RIT2: variants seen among roughly 807,000 people sequenced by gnomAD.
RIT2 encodes the protein GTP-binding protein Rit2.
Under a neutral mutation model 23.7 loss-of-function variants are expected in RIT2, and 24 were observed. The ratio of observed to expected loss-of-function variants is 1.01; its 90% CI spans 0.73 to 1.43. The LOEUF (loss-of-function observed/expected upper bound fraction) is 1.43, where lower values mean the gene tolerates loss of function less well. Among genes scored for constraint, RIT2 ranks in the 40% most tolerant of loss-of-function variants. The probability of loss-of-function intolerance (pLI) is 0.00; values close to 1 mark genes in which losing one functional copy is unlikely to be tolerated. For synonymous variants in RIT2, 107 were observed against 91.1 expected, an observed-to-expected ratio of 1.17 and a Z score of -0.99; for missense variants, 236 against 266.9, an observed-to-expected ratio of 0.88 and a Z score of 0.81.
chr18:42,800,759 C>A lies in RIT2; in HGVS notation c.427-57039G>T, dbSNP rs1905516144. Among the ~76,000 whole-genome samples, 3 of 152,168 alleles carry A rather than the reference C, an allele frequency of 2.0e-5. No individual in the cohort carries two copies. The South Asian group carries it at 6.2e-4, about 32-fold the overall frequency. On this transcript the variant is annotated intron_variant, in intron 4 of 4. Transcript: ENST00000326695. ...TGTTAGCCAGGATGGTCTCGATCTC[C>A]TGACCTCGTGATCCGCCCGCCTCGG...
intron 4 of RIT2, among the ~76,000 whole-genome samples, chr18:42,851,708 G>A (rs1227730255): frequency 6.6e-6 from 1 of 152,088 alleles, no homozygotes; most frequent in East Asian, 1.9e-4. Flanking sequence ...AAATTAGCCA[G>A]GCGTGGTGGC....
At chr18:43,051,150 C>G (rs1019298845) in intron 1 of RIT2, among the ~76,000 whole-genome samples, 1 of 151,944 alleles carries the variant, frequency 6.6e-6, no homozygotes, top group Non-Finnish European at 1.5e-5. Context: ...TAGTGTCCCC[C>G]CTGACTTAGA....
chr18:43,030,692 T>A (rs1445532519), intron 2 of RIT2, among the ~76,000 whole-genome samples: 1 of 152,024 alleles, frequency 6.6e-6, no homozygotes, highest in Non-Finnish European at 1.5e-5. Flanking sequence ...TTGGGGACAG[T>A]TTTAAAACCT....
chr18:43,068,573 A>G (rs1365508684), intron 1 of RIT2, among the ~76,000 whole-genome samples: 1 of 152,154 alleles, frequency 6.6e-6, no homozygotes, highest in Non-Finnish European at 1.5e-5. Context: ...GAACCTAGAG[A>G]AGGATGCAGT....
intron 3 of RIT2, among the ~76,000 whole-genome samples, chr18:42,970,496 G>A (rs1388000379): frequency 2.0e-5 from 3 of 152,044 alleles, no homozygotes; most frequent in African/African-American, 7.2e-5. Flanking sequence ...TGCAGGACAT[G>A]CTACCCCAAA....
intron 1 of RIT2, among the ~76,000 whole-genome samples, chr18:43,106,236 T>C (rs563926174): frequency 6.6e-6 from 1 of 152,380 alleles, no homozygotes; most frequent in Non-Finnish European, 1.5e-5. Flanking sequence ...AATAATAGTT[T>C]GGACAAAACA....
chr18:43,062,354 T>C (rs1912668152), intron 1 of RIT2, among the ~76,000 whole-genome samples: 1 of 152,116 alleles, frequency 6.6e-6, no homozygotes, highest in Non-Finnish European at 1.5e-5. Context: ...TGTGACCCAG[T>C]TACAAATAAA....
chr18:42,756,178 G>A (rs756509701), intron 4 of RIT2, among the ~76,000 whole-genome samples: 61 of 152,120 alleles, frequency 4.0e-4, no homozygotes, highest in Admixed American at 4.6e-4. Context: ...TATGAAATTT[G>A]TTAGGAACCC....
At chr18:42,880,429 T>C (rs982239576) in intron 4 of RIT2, among the ~76,000 whole-genome samples, 3 of 152,198 alleles carry the variant, frequency 2.0e-5, no homozygotes, top group African/African-American at 7.2e-5. Context: ...AATATGTATG[T>C]ATATTCAATC....
chr18:42,864,439 T>C (rs987718026), intron 4 of RIT2, among the ~76,000 whole-genome samples: 1 of 152,204 alleles, frequency 6.6e-6, no homozygotes, highest in African/African-American at 2.4e-5. Flanking sequence ...TATTGCATAC[T>C]CTGCACTCTG....
At chr18:43,096,842 T>C (rs2144368152) in intron 1 of RIT2, among the ~76,000 whole-genome samples, 1 of 151,948 alleles carries the variant, frequency 6.6e-6, no homozygotes, top group Admixed American at 6.6e-5. Context: ...ATTGATAAAA[T>C]CATTTATGCC....
At chr18:42,888,123 C>T (rs551038845) in intron 4 of RIT2, among the ~76,000 whole-genome samples, 22 of 151,804 alleles carry the variant, frequency 1.4e-4, no homozygotes, top group South Asian at 8.3e-4. Context: ...AGTACAACAC[C>T]GAGAGCAAAC....
At chr18:43,033,715 A>T in intron 2 of RIT2, 96 bp downstream of exon 2, 1 of 849,070 alleles carries the variant, frequency 1.2e-6, no homozygotes, top group Non-Finnish European at 2.0e-6. Flanking sequence ...CATAGAGTAA[A>T]TTATATTTAT....
At chr18:42,798,849 C>A (rs533475132) in intron 4 of RIT2, among the ~76,000 whole-genome samples, 11 of 152,284 alleles carry the variant, frequency 7.2e-5, no homozygotes, top group South Asian at 6.2e-4. Context: ...TTAGAGGGAG[C>A]CTGGTGATAA....
At chr18:43,001,248 G>A (rs76558584) in intron 2 of RIT2, among the ~76,000 whole-genome samples, 1 of 151,936 alleles carries the variant, frequency 6.6e-6, no homozygotes, top group Admixed American at 6.6e-5. Context: ...GCCTAGAGAG[G>A]GGAGGGCCAC....
At position 43,074,167 on chromosome 18, in the gene RIT2, G is replaced by A. The variant is rs142909090; in HGVS notation, c.104-40300C>T. Among the ~76,000 whole-genome samples the A allele has an allele frequency of 3.4e-3, 523 of 152,278 alleles. 1 individual carries two copies. Among genetic ancestry groups the A allele is most frequent in the Non-Finnish European group, 6.2e-3 (420 of 68,018 alleles). On this transcript the variant is annotated intron_variant, in intron 1 of 4. Transcript: ENST00000326695. ...TAGGAGCAGCATAAGAACAGTGGCAGTAATTAGAAAGTAGAGATCAACTAA... is the reference window on the plus strand; with the variant it reads ...TAGGAGCAGCATAAGAACAGTGGCAATAATTAGAAAGTAGAGATCAACTAA...
At chr18:42,989,537 A>G (rs993349959) in intron 2 of RIT2, among the ~76,000 whole-genome samples, 1 of 152,244 alleles carries the variant, frequency 6.6e-6, no homozygotes, top group Admixed American at 6.5e-5. Context: ...ATGGAAAAAT[A>G]TTAATGAGAT....
Position 42,992,014 on chromosome 18 carries a change from C to T in RIT2, c.161-17867G>A, listed in dbSNP as rs1481131885. Among the ~76,000 whole-genome samples, 7 of 152,032 alleles carry T rather than the reference C, an allele frequency of 4.6e-5. No individual in the cohort carries two copies. The East Asian group carries it at 1.4e-3, about 30-fold the overall frequency. ...GCACCCCGACCTCTTATGTCTGTGC[C>T]CCAACCCCTTATTTCCACGCCTCAA... On this transcript the variant is annotated intron_variant, in intron 2 of 4. Transcript: ENST00000326695.
At chr18:42,821,565 C>T (rs945948560) in intron 4 of RIT2, among the ~76,000 whole-genome samples, 4 of 151,998 alleles carry the variant, frequency 2.6e-5, no homozygotes, top group Non-Finnish European at 5.9e-5. Context: ...ACCGGAGATG[C>T]TACTAACATC....
Sources: gnomAD v4.1 joint callset for allele counts (sites outside exome capture counted in the v4.1 genomes callset) on GRCh38, gnomAD v4.1.1 for gene constraint, MANE v1.5 for transcripts, NCBI Gene and HGNC (gene_info 2026-07-23, HGNC 2026-07-21) for gene names.